The following DLEC1 variants were observed in gnomAD, a reference collection of about 807,000 sequenced individuals.
DLEC1 encodes DLEC1 cilia and flagella associated protein, also known as deleted in lung and esophageal cancer protein 1.
DLEC1 carries 146 observed loss-of-function variants against 198.1 expected under a neutral mutation model. That is an observed-to-expected ratio of 0.74 (90% CI 0.64 to 0.85). The LOEUF is 0.85. Among genes scored for constraint, DLEC1 ranks in the 40% least tolerant of loss-of-function variants. DLEC1 has a pLI of 0.00. For synonymous variants in DLEC1, 897 were observed against 866.8 expected, an observed-to-expected ratio of 1.03 and a Z score of -0.61; for missense variants, 2,233 against 2,220.0, an observed-to-expected ratio of 1.01 and a Z score of -0.12.
chr3:38,105,938 T>C (rs1402423853), intron 19 of DLEC1, among the ~76,000 whole-genome samples: 1 of 152,230 alleles, frequency 6.6e-6, no homozygotes, highest in Non-Finnish European at 1.5e-5. Flanking sequence ...CTTTTACTTT[T>C]TAAAAAGTTA....
intron 6 of DLEC1, among the ~76,000 whole-genome samples, chr3:38,079,348 C>A (rs1183616617): frequency 1.3e-5 from 2 of 152,108 alleles, no homozygotes; most frequent in African/African-American, 2.4e-5. Flanking sequence ...GGTTTAGAAG[C>A]CTGGCTGTCA....
intron 4 of DLEC1, 102 bp from the exon 5 acceptor site, chr3:38,062,479 A>G (rs1290003129): frequency 2.5e-6 from 4 of 1,575,800 alleles, no homozygotes; most frequent in Admixed American, 1.8e-5. Context: ...AAAATAGAGT[A>G]GAGCTTGTGT....
chr3:38,085,493 A>G, intron 8 of DLEC1, 46 bp downstream of exon 8: 1 of 1,603,458 alleles, frequency 6.2e-7, no homozygotes, highest in Non-Finnish European at 8.5e-7. Flanking sequence ...AAGGTTGGAG[A>G]GTCCCCATAA....
Position 38,085,438 on chromosome 3 carries a change from G to T in DLEC1, c.1426G>T (p.Val476Leu), listed in dbSNP as rs79138042. The stretch of plus-strand genomic sequence containing the variant: ...CCTGCAGGCCCGGAGGCCGCCCCCC[G>T]TGCTGACATGTGAGTGTGCACCGTA... The part of the protein sequence containing the change: ...IPLQARRPPP[V>L]LTLSPVLDCG... The change falls in exon 8 of 37, where the codon GTG becomes TTG. Residue 476 changes from valine to leucine, a missense_variant. Coordinates refer to ENST00000308059, the MANE Select transcript of DLEC1 (RefSeq NM_007335.4). 1 of 1,613,786 alleles carries T rather than the reference G, an allele frequency of 6.2e-7. No homozygotes were observed. Among genetic ancestry groups the T allele is most frequent in the East Asian group, 2.2e-5 (1 of 44,872 alleles).
chr3:38,057,556 G>A (rs898154776), intron 2 of DLEC1, among the ~76,000 whole-genome samples: 1 of 152,138 alleles, frequency 6.6e-6, no homozygotes, highest in Non-Finnish European at 1.5e-5. Flanking sequence ...AATCCGCAAA[G>A]AAAGAAAATT....
In DLEC1 at chr3:38,092,858, G is replaced by T; in HGVS notation, c.1734G>T (p.Gln578His). The part of the protein sequence containing the change: ...QTFIIMCDNC[Q>H]IKELVTIGIG... ...TCATCATCATGTGCGACAACTGCCAGATAAAGGAGCTGGTGACCATAGGTG... is the reference window on the plus strand; with the variant it reads ...TCATCATCATGTGCGACAACTGCCATATAAAGGAGCTGGTGACCATAGGTG... Residue 578 changes from glutamine to histidine, a missense_variant, in exon 11 of 37, where the codon CAG becomes CAT. By Grantham distance (24) the Gln-to-His change is conservative. Transcript: ENST00000308059. The T allele has an allele frequency of 6.2e-7, 1 of 1,614,188 alleles. No individual in the cohort carries two copies. The highest frequency in any genetic ancestry group is 8.5e-7 in the Non-Finnish European group (1 of 1,180,032).
chr3:38,039,459 G>A lies in DLEC1; in HGVS notation c.234G>A (p.Gln78=). The A allele has an allele frequency of 6.2e-7, 1 of 1,614,022 alleles. No homozygotes were observed. Among genetic ancestry groups the A allele is most frequent in the Non-Finnish European group, 8.5e-7 (1 of 1,179,894 alleles). Residue 78 remains glutamine, a synonymous_variant, in exon 1 of 37, where the codon CAG becomes CAA. Transcript: ENST00000308059. ...QLALAQRPEP[Q]LLRLRPSSLR... Reference sequence around the variant, plus strand: ...CGCTGGCGCAGCGTCCCGAGCCTCAGCTGCTTCGTCTGCGCCCCTCCTCGC... The same window carrying A: ...CGCTGGCGCAGCGTCCCGAGCCTCAACTGCTTCGTCTGCGCCCCTCCTCGC...
chr3:38,123,108 A>G lies in DLEC1; in HGVS notation c.*696A>G. 1.2e-6 allele frequency: 2 copies of G among 1,614,190 alleles called. No individual in the cohort carries two copies. The highest frequency in any genetic ancestry group is 1.7e-6 in the Non-Finnish European group (2 of 1,180,026). ...CATTCCAGTCCCGATGCACATGGAC[A>G]CCACTCCGTATGCCCTGTGAAAACA... On this transcript the variant is annotated 3_prime_UTR_variant, in exon 37 of 37. Transcript: ENST00000308059.
Position 38,039,559 on chromosome 3 carries a change from G to T in DLEC1, c.334G>T (p.Glu112Ter). 6.2e-7 allele frequency: 1 copy of T among 1,613,950 alleles called. No individual in the cohort carries two copies. The highest frequency in any genetic ancestry group is 8.5e-7 in the Non-Finnish European group (1 of 1,179,936). ...GTACTCAGCCGAGGTCATCGGCGACGAAGTGAGCGCAAGCTTGATCAAGGC... is the reference window on the plus strand; with the variant it reads ...GTACTCAGCCGAGGTCATCGGCGACTAAGTGAGCGCAAGCTTGATCAAGGC... ...NLYSAEVIGD[E>*]VSASLIKARG... Residue 112 changes from glutamate (E) to a stop codon, truncating the protein, a stop_gained, in exon 1 of 37, where the codon GAA (glutamate) becomes TAA (stop). Transcript: ENST00000308059. LOFTEE classifies it high-confidence loss of function.
At chr3:38,095,123 A>C (rs1575190573) in intron 13 of DLEC1, 52 bp downstream of exon 13, 3 of 1,586,114 alleles carry the variant, frequency 1.9e-6, no homozygotes. Context: ...ATGTATTTAG[A>C]CCCCCCACCT....
At position 38,114,972 on chromosome 3, in the gene DLEC1, T is replaced by C; in HGVS notation, c.3786-11T>C. On this transcript the variant is annotated splice_polypyrimidine_tract_variant and intron_variant, in intron 26 of 36. Coordinates refer to ENST00000308059, the MANE Select transcript of DLEC1 (RefSeq NM_007335.4). Reference sequence around the variant, plus strand: ...CTGTGGCTGTACTGAGTCCAGTCTGTCCCCCTCCAGGTTCGGCACCCAGGT... The same window carrying C: ...CTGTGGCTGTACTGAGTCCAGTCTGCCCCCCTCCAGGTTCGGCACCCAGGT... 6.2e-7 allele frequency: 1 copy of C among 1,611,556 alleles called. No homozygotes were observed. Among genetic ancestry groups the C allele is most frequent in the Non-Finnish European group, 8.5e-7 (1 of 1,178,592 alleles).
intron 3 of DLEC1, among the ~76,000 whole-genome samples, chr3:38,060,393 G>A (rs554305687): frequency 2.7e-4 from 41 of 152,162 alleles, no homozygotes; most frequent in Non-Finnish European, 5.1e-4. Flanking sequence ...CTTAAGCAGC[G>A]AGTTAGACTT....
At chr3:38,052,548 G>C (rs1701174355) in intron 2 of DLEC1, among the ~76,000 whole-genome samples, 1 of 152,222 alleles carries the variant, frequency 6.6e-6, no homozygotes, top group African/African-American at 2.4e-5. Flanking sequence ...TCAGCCAATA[G>C]CAGGAACCGC....
At chr3:38,118,729 T>C (rs1275767745) in intron 33 of DLEC1, among the ~76,000 whole-genome samples, 2 of 151,912 alleles carry the variant, frequency 1.3e-5, no homozygotes, top group Non-Finnish European at 2.9e-5. Context: ...AGGCCCTCTT[T>C]CTTCTTCTCG....
intron 36 of DLEC1, 39 bp downstream of exon 36, chr3:38,122,233 G>A: frequency 3.7e-6 from 6 of 1,609,418 alleles, no homozygotes; most frequent in Non-Finnish European, 5.1e-6. Flanking sequence ...TGCCCACAGA[G>A]CCTGGACCCC....
intron 2 of DLEC1, among the ~76,000 whole-genome samples, chr3:38,057,341 C>T (rs1575397339): frequency 6.6e-6 from 1 of 152,188 alleles, no homozygotes; most frequent in East Asian, 1.9e-4. Context: ...AAATACAAAA[C>T]ATTAGCTGGG....
At chr3:38,121,882 C>G (rs1296938075) in intron 35 of DLEC1, 101 bp downstream of exon 35, 1 of 1,523,132 alleles carries the variant, frequency 6.6e-7, no homozygotes, top group African/African-American at 1.4e-5. Context: ...TGCATGCTGG[C>G]TCCCAGGGCA....
intron 3 of DLEC1, among the ~76,000 whole-genome samples, 163 bp downstream of exon 3, chr3:38,060,015 T>G (rs898261762): frequency 6.6e-6 from 1 of 152,176 alleles, no homozygotes; most frequent in African/African-American, 2.4e-5. Context: ...CATCTGAGCA[T>G]GCCAATTTCT....
At chr3:38,078,598 G>A (rs1014143183) in intron 6 of DLEC1, among the ~76,000 whole-genome samples, 3 of 152,170 alleles carry the variant, frequency 2.0e-5, no homozygotes, top group Non-Finnish European at 4.4e-5. Context: ...AGATGAGGAC[G>A]AAATTTGGGC....
Sources: allele counts gnomAD v4.1 joint callset (sites outside exome capture counted in the v4.1 genomes callset), GRCh38; gene constraint gnomAD v4.1.1; transcripts MANE v1.5; gene names NCBI Gene and HGNC (gene_info 2026-07-23, HGNC 2026-07-21).